Variants in MCTP1 observed in about 807,000 individuals in gnomAD.
MCTP1 encodes multiple C2 and transmembrane domain-containing protein 1.
A neutral mutation model predicts 120.6 loss-of-function variants in MCTP1; 69 were observed. The observed-to-expected ratio is 0.57, with a 90% CI of 0.47 to 0.70. MCTP1 has a LOEUF of 0.70. Ranked by LOEUF, MCTP1 falls within the 30% of genes least tolerant of loss-of-function variation. The pLI, the probability that MCTP1 is intolerant of heterozygous loss-of-function variation, is 0.00. For missense variants in MCTP1, 1,203 were observed against 1,248.8 expected (o/e 0.96, Z 0.55); for synonymous variants, 529 against 493.1 (o/e 1.07, Z -0.96).
rs143114333 is a variant in MCTP1, at chr5:94,944,294, C to T, written c.982-1867G>A. Among the ~76,000 whole-genome samples, 56 of 152,234 alleles carry T rather than the reference C, an allele frequency of 3.7e-4. 1 individual carries two copies. The East Asian group carries it at 9.8e-3, about 27-fold the overall frequency. On this transcript the variant is annotated intron_variant, in intron 3 of 22. Coordinates refer to ENST00000515393, the MANE Select transcript of MCTP1 (RefSeq NM_024717.7). ...TATTGTAGAAAGCTCAGCACTCCTGCAATAAATATTCTCCTTGATCAATTA... is the reference window on the plus strand; with the variant it reads ...TATTGTAGAAAGCTCAGCACTCCTGTAATAAATATTCTCCTTGATCAATTA...
intron 19 of MCTP1, among the ~76,000 whole-genome samples, chr5:94,776,360 T>C (rs140638098): frequency 5.3e-5 from 8 of 152,182 alleles, no homozygotes; most frequent in South Asian, 4.1e-4. Context: ...TGAAAACATA[T>C]GGATAGGCTT....
At chr5:94,823,505 T>C (rs1786173819) in intron 17 of MCTP1, among the ~76,000 whole-genome samples, 2 of 152,198 alleles carry the variant, frequency 1.3e-5, no homozygotes, top group Admixed American at 1.3e-4. Flanking sequence ...TCTTTTTGCT[T>C]AGGATTGTCT....
chr5:94,907,401 G>GT (rs1259195373), intron 10 of MCTP1, among the ~76,000 whole-genome samples: 2 of 152,102 alleles, frequency 1.3e-5, no homozygotes, highest in African/African-American at 4.8e-5. Flanking sequence ...GAGCTGTCTT[G>GT]TCTATACCTG....
intron 1 of MCTP1, among the ~76,000 whole-genome samples, chr5:95,254,857 T>A (rs926557559): frequency 6.6e-6 from 1 of 152,148 alleles, no homozygotes; most frequent in Non-Finnish European, 1.5e-5. Context: ...TTATACTAAT[T>A]TGTATAACAA....
chr5:95,074,400 G>C (rs1312999652), intron 1 of MCTP1, among the ~76,000 whole-genome samples: 2 of 152,212 alleles, frequency 1.3e-5, no homozygotes, highest in Non-Finnish European at 1.5e-5. Flanking sequence ...AACTCCTAGG[G>C]CATTACTACT....
At chr5:95,137,962 A>T (rs1759571097) in intron 1 of MCTP1, among the ~76,000 whole-genome samples, 1 of 152,228 alleles carries the variant, frequency 6.6e-6, no homozygotes, top group Non-Finnish European at 1.5e-5. Flanking sequence ...ATTGAATTAC[A>T]GGAAATATGA....
At chr5:95,250,029 G>A (rs568465065) in intron 1 of MCTP1, among the ~76,000 whole-genome samples, 1 of 152,248 alleles carries the variant, frequency 6.6e-6, no homozygotes, top group African/African-American at 2.4e-5. Flanking sequence ...CTGGGAGAGG[G>A]ATAGCATTAA....
At chr5:94,804,739 A>G (rs994945334) in intron 17 of MCTP1, among the ~76,000 whole-genome samples, 5 of 152,230 alleles carry the variant, frequency 3.3e-5, no homozygotes, top group Admixed American at 1.3e-4. Context: ...CACCAGGCCT[A>G]TGCTTTTCAA....
At chr5:94,790,492 T>C (rs987815036) in intron 18 of MCTP1, among the ~76,000 whole-genome samples, 11 of 152,106 alleles carry the variant, frequency 7.2e-5, no homozygotes, top group Non-Finnish European at 1.3e-4. Context: ...TCAGCAGCTG[T>C]GGGGTGTGTT....
intron 2 of MCTP1, among the ~76,000 whole-genome samples, chr5:94,955,435 A>T (rs1367441889): frequency 6.6e-6 from 1 of 152,132 alleles, no homozygotes; most frequent in African/African-American, 2.4e-5. Flanking sequence ...CTCCCCTGGT[A>T]AGGGGGCTAA....
chr5:94,896,121 A>T (rs1201887491), intron 10 of MCTP1, among the ~76,000 whole-genome samples: 1 of 152,194 alleles, frequency 6.6e-6, no homozygotes, highest in Non-Finnish European at 1.5e-5. Context: ...CTTATCTCAT[A>T]TTTAAATTTT....
intron 1 of MCTP1, among the ~76,000 whole-genome samples, chr5:95,170,600 T>C (rs1747128469): frequency 6.6e-6 from 1 of 152,240 alleles, no homozygotes; most frequent in Non-Finnish European, 1.5e-5. Context: ...GCTCCTGTAT[T>C]GGGTGCATAT....
chr5:95,160,536 A>C (rs1033726998), intron 1 of MCTP1, among the ~76,000 whole-genome samples: 2 of 151,894 alleles, frequency 1.3e-5, no homozygotes, highest in South Asian at 4.1e-4. Context: ...TTTTTGAGAC[A>C]TTGGTCTGGG....
At chr5:95,218,569 A>G (rs866912141) in intron 1 of MCTP1, among the ~76,000 whole-genome samples, 9 of 152,188 alleles carry the variant, frequency 5.9e-5, no homozygotes, top group Non-Finnish European at 2.9e-5. Flanking sequence ...GGCCTTTAAC[A>G]TCTTTCTATT....
At chr5:94,763,741 T>C (rs183660558) in intron 19 of MCTP1, among the ~76,000 whole-genome samples, 10 of 152,232 alleles carry the variant, frequency 6.6e-5, no homozygotes, top group African/African-American at 2.4e-4. Context: ...AAAGACATAA[T>C]AGCAAAACAG....
intron 7 of MCTP1, among the ~76,000 whole-genome samples, chr5:94,922,310 A>C (rs1283175323): frequency 6.6e-6 from 1 of 152,208 alleles, no homozygotes; most frequent in Admixed American, 6.5e-5. Flanking sequence ...GAAGTAGCAA[A>C]GAAGATCTTG....
At chr5:95,079,512 T>A (rs1453975621) in intron 1 of MCTP1, among the ~76,000 whole-genome samples, 1 of 152,152 alleles carries the variant, frequency 6.6e-6, no homozygotes, top group Non-Finnish European at 1.5e-5. Flanking sequence ...AAAAGATATA[T>A]GCCTATTAAT....
intron 1 of MCTP1, among the ~76,000 whole-genome samples, chr5:95,175,526 T>C (rs1747861118): frequency 2.0e-5 from 3 of 152,148 alleles, no homozygotes; most frequent in Admixed American, 6.5e-5. Context: ...TGGAAGGAAT[T>C]AAAAGAATAT....
At chr5:94,793,775 C>T (rs1208624279) in intron 18 of MCTP1, among the ~76,000 whole-genome samples, 1 of 152,210 alleles carries the variant, frequency 6.6e-6, no homozygotes, top group East Asian at 1.9e-4. Context: ...GAATGGAGAA[C>T]ACTGGCTGAC....
Sources: gnomAD v4.1 joint callset for allele counts (sites outside exome capture counted in the v4.1 genomes callset) on GRCh38, gnomAD v4.1.1 for gene constraint, MANE v1.5 for transcripts, NCBI Gene and HGNC (gene_info 2026-07-23, HGNC 2026-07-21) for gene names.